The following SPIRE2 variants were observed in gnomAD, a reference collection of about 807,000 sequenced individuals.
SPIRE2 encodes spire type actin nucleation factor 2, also known as protein spire homolog 2.
SPIRE2 carries 76 observed loss-of-function variants against 80.7 expected under a neutral mutation model. The observed-to-expected ratio is 0.94, with a 90% CI of 0.78 to 1.14. SPIRE2 has a LOEUF of 1.14. Ranked by LOEUF, SPIRE2 falls within the 50% of genes most tolerant of loss-of-function variation. The pLI, the probability that SPIRE2 is intolerant of heterozygous loss-of-function variation, is 0.00. For synonymous variants in SPIRE2, 535 were observed against 432.6 expected (o/e 1.24, Z -2.94); for missense variants, 1,196 against 1,015.3 (o/e 1.18, Z -2.42).
At chr16:89,862,120 C>A (rs2041750251) in intron 10 of SPIRE2, 1 of 152,048 alleles carries the variant, frequency 6.6e-6, no homozygotes, top group South Asian at 2.1e-4. Flanking sequence ...TCTCCTGCCT[C>A]AGCCTCCCGA....
chr16:89,849,631 G>T (rs2041601986), intron 2 of SPIRE2, among the ~76,000 whole-genome samples: 1 of 152,172 alleles, frequency 6.6e-6, no homozygotes, highest in South Asian at 2.1e-4. Context: ...GCCACCTGGG[G>T]ACCACCTGGG....
intron 3 of SPIRE2, among the ~76,000 whole-genome samples, 156 bp downstream of exon 3, chr16:89,850,816 G>T (rs371641517): frequency 6.6e-6 from 1 of 151,462 alleles, no homozygotes; most frequent in Admixed American, 6.6e-5. Flanking sequence ...TAATCCTCAC[G>T]CTTTCTTGTT....
chr16:89,854,711 A>C (rs12598756), intron 5 of SPIRE2, 60 bp downstream of exon 5: 99,165 of 1,481,952 alleles, frequency 0.067, 4,480 homozygotes, highest in African/African-American at 0.18. Context: ...AGCGGGGCGG[A>C]CGCAGATGAG....
At chr16:89,867,636 G>C (rs1158936936) in intron 12 of SPIRE2, among the ~76,000 whole-genome samples, 3 of 150,648 alleles carry the variant, frequency 2.0e-5, no homozygotes, top group Non-Finnish European at 4.4e-5. Flanking sequence ...CCAGGCTGGA[G>C]TGCAGTGGCG....
chr16:89,832,107 G>A (rs1339118752), intron 1 of SPIRE2, among the ~76,000 whole-genome samples: 1 of 152,262 alleles, frequency 6.6e-6, no homozygotes, highest in African/African-American at 2.4e-5. Context: ...ATGGCAGCGC[G>A]TGCCCGCGTG....
chr16:89,838,056 G>C (rs1018959832), intron 1 of SPIRE2, among the ~76,000 whole-genome samples: 3 of 151,886 alleles, frequency 2.0e-5, no homozygotes, highest in Non-Finnish European at 2.9e-5. Context: ...TGTCACCCAG[G>C]CTGGAGTGCC....
chr16:89,866,301 T>A lies in SPIRE2; in HGVS notation c.1779-1888T>A, dbSNP rs565658699. Among the ~76,000 whole-genome samples the A allele has an allele frequency of 2.6e-5, 4 of 152,276 alleles. No homozygotes were observed. In the East Asian group the frequency reaches 5.8e-4, roughly 22 times the overall value. On this transcript the variant is annotated intron_variant, in intron 12 of 14. Coordinates refer to ENST00000378247, the MANE Select transcript of SPIRE2 (RefSeq NM_032451.2). ...TAATTCTCTCATGTTTGAATTTTTT[T>A]TTTTTATTTTTTTGAGATAGAGTTT...
intron 1 of SPIRE2, among the ~76,000 whole-genome samples, chr16:89,843,665 A>C (rs1324182562): frequency 2.5e-5 from 2 of 81,266 alleles, no homozygotes; most frequent in Admixed American, 1.7e-4. Context: ...CCTTGCTGCC[A>C]CGTTTTTTTT....
chr16:89,831,821 T>G (rs2143772663), intron 1 of SPIRE2, among the ~76,000 whole-genome samples: 1 of 151,340 alleles, frequency 6.6e-6, no homozygotes, highest in South Asian at 2.1e-4. Context: ...TCTCAGGCCA[T>G]CTGCCTCTAA....
chr16:89,869,521 T>C (rs1226335345), intron 13 of SPIRE2, 46 bp from the exon 14 acceptor site: 4 of 1,341,090 alleles, frequency 3.0e-6, no homozygotes. Flanking sequence ...TGTACCTGAA[T>C]GTCTCTGGTG....
intron 1 of SPIRE2, among the ~76,000 whole-genome samples, chr16:89,841,729 CT>C (rs2041507788): frequency 6.6e-6 from 1 of 151,340 alleles, no homozygotes; most frequent in African/African-American, 2.4e-5. Context: ...TGGAGTTTTG[CT>C]TTTGTTACCC....
intron 12 of SPIRE2, among the ~76,000 whole-genome samples, chr16:89,867,913 A>G (rs1409331559): frequency 6.6e-6 from 1 of 152,120 alleles, no homozygotes; most frequent in Non-Finnish European, 1.5e-5. Flanking sequence ...ACCTTACTCT[A>G]TATCCTACCA....
At position 89,870,156 on chromosome 16, in the gene SPIRE2, G is replaced by A. The variant is rs976256523; in HGVS notation, c.2029G>A (p.Ala677Thr). Residue 677 changes from alanine (A) to threonine (T), a missense_variant, in exon 15 of 15, where the codon GCA (alanine) becomes ACA (threonine). By Grantham distance (58) the Ala-to-Thr change is moderately conservative (BLOSUM62 0). Coordinates refer to ENST00000378247, the MANE Select transcript of SPIRE2 (RefSeq NM_032451.2). ...DVCSECTSFV[A>T]DVVRSSRKSV... ...CTGCAGTGAGTGCACCAGCTTTGTG[G>A]CAGACGTGGTGCGTTCCAGCCGCAA... is the stretch of plus-strand genomic sequence containing the variant. 1.1e-5 allele frequency: 18 copies of A among 1,611,700 alleles called. No individual in the cohort carries two copies. Among genetic ancestry groups the A allele is most frequent in the East Asian group, 2.2e-5 (1 of 44,790 alleles).
chr16:89,868,387 A>G (rs1207902344), intron 13 of SPIRE2, among the ~76,000 whole-genome samples, 171 bp downstream of exon 13: 1 of 152,228 alleles, frequency 6.6e-6, no homozygotes, highest in Non-Finnish European at 1.5e-5. Flanking sequence ...AAAGACCCTT[A>G]CAGGTTTTTG....
At chr16:89,843,691 G>GTTTTTTTTTT (rs1224567542) in intron 1 of SPIRE2, among the ~76,000 whole-genome samples, 1 of 20,634 alleles carries the variant, frequency 4.8e-5, no homozygotes, top group African/African-American at 2.7e-4. Context: ...GTTTGTTTTT[G>GTTTTTTTTTT]TTTTTTGTTT....
Position 89,828,757 on chromosome 16 carries a change from G to A in SPIRE2, c.207G>A (p.Gly69=). The part of the protein sequence containing the change: ...LRDTGDLLLR[G]DGSVGAREPE... ...ATACCGGGGACCTCCTGCTGCGCGG[G>A]GACGGCTCGGTCGGGGCGCGGGAGC... The change falls in exon 1 of 15, where the codon GGG becomes GGA. Residue 69 remains glycine (G), a synonymous_variant. Coordinates refer to ENST00000378247, the MANE Select transcript of SPIRE2 (RefSeq NM_032451.2). The surrounding 1 kb of genome is among the most constrained non-coding windows in gnomAD (Gnocchi z 5.9). The A allele has an allele frequency of 8.3e-7, 1 of 1,198,968 alleles. No homozygotes were observed. The highest frequency in any genetic ancestry group is 1.0e-6 in the Non-Finnish European group (1 of 966,890). 74.3% of individuals were successfully genotyped at this position (1,198,968 alleles called of 1,614,324 possible).
chr16:89,848,385 A>C (rs1597214559), intron 2 of SPIRE2, among the ~76,000 whole-genome samples: 1 of 151,872 alleles, frequency 6.6e-6, no homozygotes, highest in African/African-American at 2.4e-5. Flanking sequence ...CTGGGGCTCC[A>C]CTCCCACTGA....
chr16:89,854,939 AT>A (rs59851949), intron 5 of SPIRE2, among the ~76,000 whole-genome samples: 4 of 149,918 alleles, frequency 2.7e-5, no homozygotes, highest in East Asian at 4.0e-4. Context: ...AGGCTGTAGG[AT>A]TTTTTTTTTC....
chr16:89,853,665 TAG>T (rs1308637675), intron 3 of SPIRE2, among the ~76,000 whole-genome samples: 1 of 151,994 alleles, frequency 6.6e-6, no homozygotes, highest in African/African-American at 2.4e-5. Flanking sequence ...GGTGCTTCTC[TAG>T]AGTTGGGACT....
Sources: gnomAD v4.1 joint callset for allele counts (sites outside exome capture counted in the v4.1 genomes callset) on GRCh38, gnomAD v4.1.1 for gene constraint, Gnocchi (gnomAD v3.1) non-coding constraint, MANE v1.5 for transcripts, NCBI Gene and HGNC (gene_info 2026-07-23, HGNC 2026-07-21) for gene names.